POC1B: variants seen among roughly 807,000 people sequenced by gnomAD.
The protein encoded by POC1B is POC1 centriolar protein homolog B.
POC1B carries 44 observed loss-of-function variants against 60.6 expected under a neutral mutation model. The observed-to-expected ratio is 0.73, with a 90% CI of 0.57 to 0.93. The LOEUF (loss-of-function observed/expected upper bound fraction) is 0.93, where lower values mean the gene tolerates loss of function less well. POC1B is among the 40% of genes least tolerant of loss of function. The probability of loss-of-function intolerance (pLI) is 0.00; values close to 1 mark genes in which losing one functional copy is unlikely to be tolerated. For synonymous variants in POC1B, 180 were observed against 198.9 expected (o/e 0.90, Z 0.80); for missense variants, 555 against 572.3 (o/e 0.97, Z 0.31).
chr12:89,488,491 T>C (rs1053917148), intron 4 of POC1B, among the ~76,000 whole-genome samples: 6 of 152,090 alleles, frequency 3.9e-5, no homozygotes, highest in Non-Finnish European at 8.8e-5. Context: ...TTATTATTGT[T>C]ATTATTATTA....
In POC1B at chr12:89,523,964, C is replaced by A. The variant is rs192512807; in HGVS notation, c.100+1156G>T. Reference sequence around the variant, plus strand: ...CGCTTATTGGTCCTAATCAAGCGTACTCTATCAAGATTGCTGATGTAAGTT... The same window carrying A: ...CGCTTATTGGTCCTAATCAAGCGTAATCTATCAAGATTGCTGATGTAAGTT... On this transcript the variant is annotated intron_variant, in intron 2 of 11. Transcript: ENST00000313546. 18 of 1,613,862 alleles carry A rather than the reference C, an allele frequency of 1.1e-5. No homozygotes were observed. The East Asian group carries it at 3.8e-4, about 34-fold the overall frequency.
chr12:89,407,250 G>T, the POC1B span, among the ~76,000 whole-genome samples: 4 of 151,718 alleles, frequency 2.6e-5, no homozygotes, highest in East Asian at 5.8e-4. Context: ...CGGAGGGTGG[G>T]CGGATGGAGT....
At chr12:89,502,913 G>A (rs538684931) in intron 2 of POC1B, among the ~76,000 whole-genome samples, 18 of 152,216 alleles carry the variant, frequency 1.2e-4, no homozygotes, top group African/African-American at 3.4e-4. Flanking sequence ...TGAGGAAAGT[G>A]TTCTTCTTTT....
At chr12:89,522,352 G>A (rs1278331770) in intron 2 of POC1B, 2 of 394,036 alleles carry the variant, frequency 5.1e-6, no homozygotes, top group African/African-American at 2.1e-5. Flanking sequence ...AATTTAATGT[G>A]CTGGCTAAAA....
In POC1B at chr12:89,420,927, C is replaced by A; in HGVS notation, c.*226G>T. The A allele has an allele frequency of 2.5e-6, 1 of 404,132 alleles. No homozygotes were observed. The highest frequency in any genetic ancestry group is 4.4e-6 in the Non-Finnish European group (1 of 225,476). The allele number at this position is 404,132 out of a possible 1,614,324, so 25.0% of individuals were successfully genotyped here. Reference sequence around the variant, plus strand: ...ATGCTTATCACTTTATTACTGCAATCATAAATGATAGTAATTTAAATTAGT... The same window carrying A: ...ATGCTTATCACTTTATTACTGCAATAATAAATGATAGTAATTTAAATTAGT... On this transcript the variant is annotated 3_prime_UTR_variant, in exon 12 of 12. Transcript: ENST00000313546.
intron 2 of POC1B, among the ~76,000 whole-genome samples, chr12:89,514,402 CTTTT>C (rs60679774): frequency 1.6e-4 from 11 of 67,094 alleles, no homozygotes; most frequent in Admixed American, 2.3e-4. Flanking sequence ...TCATGTATTT[CTTTT>C]TTTTTTTTTT....
chr12:89,501,287 G>A, intron 2 of POC1B: 1 of 1,032,624 alleles, frequency 9.7e-7, no homozygotes, highest in Non-Finnish European at 1.5e-6. Flanking sequence ...GAAAATGACT[G>A]TAGATCTACA....
At chr12:89,495,755 GTAT>G (rs374258039) in intron 3 of POC1B, among the ~76,000 whole-genome samples, 18 of 151,262 alleles carry the variant, frequency 1.2e-4, no homozygotes, top group East Asian at 5.8e-4. Flanking sequence ...TACTTTATTC[GTAT>G]TATTATTATT....
At chr12:89,469,655 G>C (rs1232832230) in intron 7 of POC1B, among the ~76,000 whole-genome samples, 1 of 152,162 alleles carries the variant, frequency 6.6e-6, no homozygotes, top group Non-Finnish European at 1.5e-5. Flanking sequence ...AGCAGAAGGA[G>C]TGAGGGAGAG....
chr12:89,438,406 G>A (rs1449557475), intron 10 of POC1B, among the ~76,000 whole-genome samples: 2 of 152,248 alleles, frequency 1.3e-5, no homozygotes, highest in Admixed American at 1.3e-4. Context: ...GCAGTGAGCC[G>A]TGATAGCGCC....
intron 4 of POC1B, among the ~76,000 whole-genome samples, chr12:89,473,281 C>G (rs918537827): frequency 1.3e-5 from 2 of 151,984 alleles, no homozygotes; most frequent in African/African-American, 4.8e-5. Context: ...TTAAGGCTGA[C>G]CTAAAATTAA....
chr12:89,522,821 C>A, intron 2 of POC1B: 1 of 1,579,332 alleles, frequency 6.3e-7, no homozygotes, highest in South Asian at 1.2e-5. Context: ...CTCTATTTCT[C>A]AAAACTCCAA....
At position 89,467,752 on chromosome 12, in the gene POC1B, T is replaced by C. The variant is rs10506972; in HGVS notation, c.811-67A>G. 0.23 allele frequency: 279,556 copies of C among 1,230,520 alleles called. 34,110 individuals are homozygous for C. The highest frequency in any genetic ancestry group is 0.36 in the South Asian group (27,814 of 76,668). The allele number at this position is 1,230,520 out of a possible 1,614,324, so 76.2% of individuals were successfully genotyped here. ...TGCTTTCTCATGGCCAAGAAGACTA[T>C]GGATATCAATTTCTCATCCTAATTT... On this transcript the variant is annotated intron_variant, in intron 7 of 11. Transcript: ENST00000313546.
At chr12:89,483,501 C>G (rs1348156149) in intron 4 of POC1B, among the ~76,000 whole-genome samples, 1 of 152,106 alleles carries the variant, frequency 6.6e-6, no homozygotes, top group Non-Finnish European at 1.5e-5. Context: ...TGGTGAGAGG[C>G]AAGGGTCTCT....
intron 10 of POC1B, among the ~76,000 whole-genome samples, chr12:89,429,980 T>C (rs924435448): frequency 6.6e-6 from 1 of 152,198 alleles, no homozygotes; most frequent in Non-Finnish European, 1.5e-5. Context: ...AAGTCAGACA[T>C]GGTATCTTCC....
intron 4 of POC1B, among the ~76,000 whole-genome samples, chr12:89,487,415 TC>T (rs1868696259): frequency 6.6e-6 from 1 of 152,144 alleles, no homozygotes; most frequent in South Asian, 2.1e-4. Context: ...CAGTGACTCC[TC>T]CCCGGTTCCA....
chr12:89,453,513 C>T (rs1237991572), intron 10 of POC1B, among the ~76,000 whole-genome samples: 1 of 152,176 alleles, frequency 6.6e-6, no homozygotes, highest in Admixed American at 6.5e-5. Context: ...ATGTCTGTTT[C>T]CTAATGCTTA....
intron 2 of POC1B, among the ~76,000 whole-genome samples, chr12:89,506,398 T>C (rs1467664234): frequency 6.6e-6 from 1 of 152,216 alleles, no homozygotes; most frequent in Non-Finnish European, 1.5e-5. Context: ...TCTCTGTTAG[T>C]AGTAACTTAG....
intron 10 of POC1B, among the ~76,000 whole-genome samples, chr12:89,445,413 A>G (rs916899683): frequency 6.6e-6 from 1 of 152,234 alleles, no homozygotes; most frequent in African/African-American, 2.4e-5. Flanking sequence ...ATGAAGATAT[A>G]GACCAATGGA....
Sources: gnomAD v4.1 joint callset for allele counts (sites outside exome capture counted in the v4.1 genomes callset) on GRCh38, gnomAD v4.1.1 for gene constraint, MANE v1.5 for transcripts, NCBI Gene and HGNC (gene_info 2026-07-23, HGNC 2026-07-21) for gene names.